Variants in DCDC2 observed in about 807,000 individuals in gnomAD.
The protein encoded by DCDC2 is doublecortin domain-containing protein 2.
DCDC2 carries 40 observed loss-of-function variants against 50.2 expected under a neutral mutation model. The ratio of observed to expected loss-of-function variants is 0.80; its 90% CI spans 0.62 to 1.04. The LOEUF is 1.04. Ranked by LOEUF, DCDC2 falls within the 50% of genes least tolerant of loss-of-function variation. The probability of loss-of-function intolerance (pLI) is 0.00; values close to 1 mark genes in which losing one functional copy is unlikely to be tolerated. For synonymous variants in DCDC2, 234 were observed against 210.6 expected, an observed-to-expected ratio of 1.11 and a Z score of -0.96; for missense variants, 570 against 581.9, an observed-to-expected ratio of 0.98 and a Z score of 0.21.
the DCDC2 span, among the ~76,000 whole-genome samples, chr6:24,365,452 A>C: frequency 2.0e-5 from 3 of 151,962 alleles, no homozygotes; most frequent in African/African-American, 7.2e-5. Flanking sequence ...GCACCATGCC[A>C]ATCTAATTTT....
chr6:24,305,241 T>G (rs1006028629), intron 2 of DCDC2, among the ~76,000 whole-genome samples: 5 of 152,214 alleles, frequency 3.3e-5, no homozygotes, highest in African/African-American at 1.2e-4. Flanking sequence ...AACCATCTGT[T>G]TTAAATAATA....
At chr6:24,245,237 C>T (rs1472882956) in intron 7 of DCDC2, among the ~76,000 whole-genome samples, 2 of 152,128 alleles carry the variant, frequency 1.3e-5, no homozygotes, top group Non-Finnish European at 2.9e-5. Context: ...AGGGCAATCT[C>T]AGTGCTTCAA....
At chr6:24,344,925 A>G (rs1347879691) in intron 2 of DCDC2, among the ~76,000 whole-genome samples, 3 of 152,220 alleles carry the variant, frequency 2.0e-5, no homozygotes, top group Admixed American at 1.3e-4. Flanking sequence ...GAAAAGGTAT[A>G]AAATAAAAGT....
intron 7 of DCDC2, among the ~76,000 whole-genome samples, chr6:24,216,361 C>A (rs374945714): frequency 6.6e-6 from 1 of 151,828 alleles, no homozygotes; most frequent in South Asian, 2.1e-4. Context: ...AAGGAAGATG[C>A]GGGAAAGTGG....
chr6:24,179,104 G>A (rs181653410), intron 8 of DCDC2, among the ~76,000 whole-genome samples: 5 of 152,146 alleles, frequency 3.3e-5, no homozygotes, highest in Admixed American at 3.3e-4. Flanking sequence ...GAGGGCAATG[G>A]CACCAGGCTG....
chr6:24,335,697 A>G (rs1287088744), intron 2 of DCDC2, among the ~76,000 whole-genome samples: 1 of 152,186 alleles, frequency 6.6e-6, no homozygotes, highest in East Asian at 1.9e-4. Context: ...GGGAGGACTC[A>G]GGAAACTTAC....
At chr6:24,322,091 C>T (rs867908946) in intron 2 of DCDC2, among the ~76,000 whole-genome samples, 2 of 152,284 alleles carry the variant, frequency 1.3e-5, no homozygotes, top group Middle Eastern at 3.4e-3. Flanking sequence ...TCTTTCTCTA[C>T]TACCTTTTGT....
intron 2 of DCDC2, among the ~76,000 whole-genome samples, chr6:24,306,857 T>C (rs1638757420): frequency 6.6e-6 from 1 of 152,212 alleles, no homozygotes; most frequent in Non-Finnish European, 1.5e-5. Flanking sequence ...ATATCACAGC[T>C]GGGTCAACAT....
chr6:24,348,675 A>G (rs369545874), intron 2 of DCDC2, among the ~76,000 whole-genome samples: 16 of 152,222 alleles, frequency 1.1e-4, no homozygotes, highest in African/African-American at 3.9e-4. Context: ...TTGATCTAAG[A>G]GAAGCAGGCT....
intron 7 of DCDC2, among the ~76,000 whole-genome samples, chr6:24,225,510 T>C (rs767565520): frequency 9.2e-5 from 14 of 152,170 alleles, no homozygotes; most frequent in Non-Finnish European, 1.6e-4. Context: ...AAAAACTGAA[T>C]ATTAGCCTGT....
At chr6:24,239,083 TTCATA>T (rs1354437485) in intron 7 of DCDC2, among the ~76,000 whole-genome samples, 2 of 152,204 alleles carry the variant, frequency 1.3e-5, no homozygotes, top group African/African-American at 4.8e-5. Context: ...GTGTCAAGCA[TTCATA>T]TCATAACAAG....
chr6:24,207,288 C>CTCTCTCTG (rs1554145066), intron 7 of DCDC2, among the ~76,000 whole-genome samples: 7 of 147,098 alleles, frequency 4.8e-5, no homozygotes, highest in East Asian at 3.9e-4. Context: ...CTCTCTCTCT[C>CTCTCTCTG]AGACACACAC....
chr6:24,318,439 C>A (rs1176006770), intron 2 of DCDC2, among the ~76,000 whole-genome samples: 1 of 151,948 alleles, frequency 6.6e-6, no homozygotes, highest in East Asian at 1.9e-4. Context: ...GGTACAAGTG[C>A]ATTTTTATTA....
intron 7 of DCDC2, among the ~76,000 whole-genome samples, chr6:24,231,037 G>A (rs1581600318): frequency 3.3e-5 from 5 of 150,334 alleles, no homozygotes. Flanking sequence ...CACAGAAAAG[G>A]AGGCTTATGG....
chr6:24,245,676 A>G (rs1024036374), intron 7 of DCDC2, among the ~76,000 whole-genome samples: 19 of 152,256 alleles, frequency 1.2e-4, no homozygotes, highest in African/African-American at 4.3e-4. Flanking sequence ...TTAGATTTAC[A>G]TATGATGTGC....
intron 8 of DCDC2, among the ~76,000 whole-genome samples, chr6:24,191,028 G>A (rs894884790): frequency 7.2e-5 from 11 of 152,150 alleles, no homozygotes; most frequent in African/African-American, 2.7e-4. Flanking sequence ...TCATGTCTCT[G>A]AGGGAAAATG....
chr6:24,243,328 C>T (rs1045423599), intron 7 of DCDC2, among the ~76,000 whole-genome samples: 6 of 152,192 alleles, frequency 3.9e-5, no homozygotes. Context: ...TCAGGCTGGA[C>T]ATGAGGTTGC....
intron 6 of DCDC2, among the ~76,000 whole-genome samples, chr6:24,288,478 T>A (rs1763666023): frequency 1.3e-5 from 2 of 152,226 alleles, no homozygotes; most frequent in Admixed American, 1.3e-4. Flanking sequence ...TAATGAGGAT[T>A]ATACCCCTTT....
At chr6:24,202,537 G>A (rs1315570938) in intron 8 of DCDC2, among the ~76,000 whole-genome samples, 1 of 152,128 alleles carries the variant, frequency 6.6e-6, no homozygotes, top group Non-Finnish European at 1.5e-5. Context: ...TACTGAATGG[G>A]CAAAAGCTGG....
Sources: gnomAD v4.1 joint callset for allele counts (sites outside exome capture counted in the v4.1 genomes callset) on GRCh38, gnomAD v4.1.1 for gene constraint, MANE v1.5 for transcripts, NCBI Gene and HGNC (gene_info 2026-07-23, HGNC 2026-07-21) for gene names.